The following SPINK5 variants were observed in gnomAD, a reference collection of about 807,000 sequenced individuals.
SPINK5 encodes serine peptidase inhibitor Kazal type 5.
In SPINK5, 125 loss-of-function variants were observed where a neutral mutation model predicts 151.8. The observed-to-expected ratio is 0.82, with a 90% CI of 0.71 to 0.96. The LOEUF is 0.96. SPINK5 is among the 40% of genes least tolerant of loss of function. The pLI is 0.00. For missense variants in SPINK5, 1,194 were observed against 1,291.9 expected (o/e 0.92, Z 1.16); for synonymous variants, 374 against 395.3 (o/e 0.95, Z 0.64).
In SPINK5 at chr5:148,118,514, T is replaced by C. The variant is rs1754161817; in HGVS notation, c.2190T>C (p.Asp730=). The change falls in exon 23 of 33, where the codon GAT becomes GAC. Residue 730 remains aspartate, a synonymous_variant. Transcript: ENST00000256084. ...SCTRESDPVR[D]ADGKSYNNQC... ...CTCGGGAGAGTGATCCTGTACGTGATGCTGATGGCAAATCGTACAACAATC... is the reference window on the plus strand; with the variant it reads ...CTCGGGAGAGTGATCCTGTACGTGACGCTGATGGCAAATCGTACAACAATC... 3 of 1,614,202 alleles carry C rather than the reference T, an allele frequency of 1.9e-6. No homozygotes were observed. The highest frequency in any genetic ancestry group is 2.5e-6 in the Non-Finnish European group (3 of 1,180,016).
intron 22 of SPINK5, among the ~76,000 whole-genome samples, chr5:148,117,594 G>A (rs986651564): frequency 1.3e-5 from 2 of 152,190 alleles, no homozygotes; most frequent in Admixed American, 1.3e-4. Context: ...CAGGAAGCAG[G>A]AAAGATCTTC....
intron 32 of SPINK5, among the ~76,000 whole-genome samples, chr5:148,134,838 T>C (rs908023288): frequency 6.6e-6 from 1 of 152,024 alleles, no homozygotes; most frequent in African/African-American, 2.4e-5. Context: ...CTTTGCTCCA[T>C]TCCACTGCCA....
At chr5:148,126,881 C>G in intron 29 of SPINK5, 102 bp from the exon 30 acceptor site, 1 of 1,006,230 alleles carries the variant, frequency 9.9e-7, no homozygotes, top group South Asian at 1.5e-5. Flanking sequence ...CGTGAACTAC[C>G]ATGCCTGGCC....
intron 19 of SPINK5, 76 bp from the exon 20 acceptor site, chr5:148,112,792 T>C (rs1423145774): frequency 6.3e-7 from 1 of 1,596,454 alleles, no homozygotes; most frequent in East Asian, 2.3e-5. Context: ...ACCATTTTTA[T>C]GTAGAGACAT....
At chr5:148,086,582 A>C in intron 5 of SPINK5, 50 bp downstream of exon 5, 1 of 1,598,832 alleles carries the variant, frequency 6.3e-7, no homozygotes, top group Non-Finnish European at 8.5e-7. Context: ...TTCTCTCTAT[A>C]ATTACATGAC....
At chr5:148,081,982 A>C (rs1753032571) in intron 4 of SPINK5, among the ~76,000 whole-genome samples, 1 of 151,704 alleles carries the variant, frequency 6.6e-6, no homozygotes, top group Non-Finnish European at 1.5e-5. Flanking sequence ...TAACAAATGT[A>C]GTTATCTTAT....
At chr5:148,112,630 G>T (rs892156008) in intron 19 of SPINK5, among the ~76,000 whole-genome samples, 3 of 151,780 alleles carry the variant, frequency 2.0e-5, no homozygotes, top group Admixed American at 6.6e-5. Context: ...CCAAGATCGC[G>T]CCACTGCACT....
chr5:148,086,970 T>TTA, intron 5 of SPINK5, among the ~76,000 whole-genome samples: 1 of 147,458 alleles, frequency 6.8e-6, no homozygotes, highest in African/African-American at 2.5e-5. Context: ...TATAATATAT[T>TTA]TACACACATA....
chr5:148,099,394 G>T (rs1354762149), intron 12 of SPINK5, 79 bp downstream of exon 12: 11 of 1,279,558 alleles, frequency 8.6e-6, no homozygotes, highest in Non-Finnish European at 1.2e-5. Context: ...GTGAGATTTT[G>T]CCCTGCAGAA....
chr5:148,118,971 T>G lies in SPINK5; in HGVS notation c.2241-15T>G. ...ATTTGTTAACAAGATGAATATTCAC[T>G]TTTTTCTCCTCCAGGGAAAGAGAAG... On this transcript the variant is annotated splice_polypyrimidine_tract_variant and intron_variant, in intron 23 of 32. Coordinates refer to ENST00000256084, the MANE Select transcript of SPINK5 (RefSeq NM_006846.4). The G allele has an allele frequency of 6.2e-7, 1 of 1,613,326 alleles. No homozygotes were observed. Among genetic ancestry groups the G allele is most frequent in the South Asian group, 1.1e-5 (1 of 91,038 alleles).
chr5:148,071,808 A>G (rs1752745015), intron 3 of SPINK5, among the ~76,000 whole-genome samples: 1 of 152,080 alleles, frequency 6.6e-6, no homozygotes, highest in African/African-American at 2.4e-5. Context: ...GAACCAATAT[A>G]AGCAGGTTCA....
Position 148,118,523 on chromosome 5 carries a change from C to G in SPINK5, c.2199C>G (p.Gly733=), listed in dbSNP as rs1348512394. ...RESDPVRDAD[G]KSYNNQCTMC... ...GTGATCCTGTACGTGATGCTGATGG[C>G]AAATCGTACAACAATCAGTGTACCA... Residue 733 remains glycine (G), a synonymous_variant, in exon 23 of 33, where the codon GGC becomes GGG. Coordinates refer to ENST00000256084, the MANE Select transcript of SPINK5 (RefSeq NM_006846.4). The G allele has an allele frequency of 1.2e-6, 2 of 1,614,074 alleles. No homozygotes were observed. Among genetic ancestry groups the G allele is most frequent in the Non-Finnish European group, 1.7e-6 (2 of 1,179,996 alleles).
intron 4 of SPINK5, among the ~76,000 whole-genome samples, chr5:148,082,614 T>G (rs1184493384): frequency 4.9e-5 from 2 of 40,682 alleles, no homozygotes; most frequent in Non-Finnish European, 8.2e-5. Flanking sequence ...TTTTTTTTTT[T>G]TTTTTTTTTT....
chr5:148,115,741 T>C (rs1046856121), intron 21 of SPINK5, among the ~76,000 whole-genome samples: 1 of 152,072 alleles, frequency 6.6e-6, no homozygotes, highest in African/African-American at 2.4e-5. Context: ...TTGGGGCCTC[T>C]TGAACATTAG....
In SPINK5 at chr5:148,108,791, A is replaced by G. The variant is rs754018508; in HGVS notation, c.1646A>G (p.Glu549Gly). 2 of 1,612,102 alleles carry G rather than the reference A, an allele frequency of 1.2e-6. No homozygotes were observed. Among genetic ancestry groups the G allele is most frequent in the South Asian group, 2.2e-5 (2 of 91,036 alleles). Residue 549 changes from glutamate to glycine, a missense_variant, in exon 18 of 33, where the codon GAA becomes GGA. By Grantham distance (98) the Glu-to-Gly change is moderately conservative. Coordinates refer to ENST00000256084, the MANE Select transcript of SPINK5 (RefSeq NM_006846.4). The stretch of plus-strand genomic sequence containing the variant: ...GAAGAGAAGAAAAATGATAAAGAAG[A>G]AAAAGGGAAAGTCGAGGCTGAAAAA... ...EEEEKKNDKE[E>G]KGKVEAEKVK...
At chr5:148,136,919 T>C in intron 32 of SPINK5, 64 bp from the exon 33 acceptor site, 4 of 1,595,334 alleles carry the variant, frequency 2.5e-6, no homozygotes, top group South Asian at 1.1e-5. Flanking sequence ...GCTATAAATA[T>C]ACAGCCCACA....
intron 32 of SPINK5, chr5:148,134,162 G>C (rs917917293): frequency 2.2e-6 from 1 of 454,282 alleles, no homozygotes; most frequent in Non-Finnish European, 4.1e-6. Context: ...ACTTATTTCA[G>C]GATAGGTTTT....
At chr5:148,075,246 T>A (rs1437571279) in intron 4 of SPINK5, among the ~76,000 whole-genome samples, 2 of 151,638 alleles carry the variant, frequency 1.3e-5, no homozygotes, top group Non-Finnish European at 2.9e-5. Flanking sequence ...CTTCAGCAAG[T>A]TTGGAAAATT....
At chr5:148,136,026 C>T (rs1429823371) in intron 32 of SPINK5, among the ~76,000 whole-genome samples, 1 of 152,084 alleles carries the variant, frequency 6.6e-6, no homozygotes, top group Non-Finnish European at 1.5e-5. Flanking sequence ...TACAGAAAAT[C>T]ATCCTGGGGG....
Sources: allele counts gnomAD v4.1 joint callset (sites outside exome capture counted in the v4.1 genomes callset), GRCh38; gene constraint gnomAD v4.1.1; transcripts MANE v1.5; gene names NCBI Gene and HGNC (gene_info 2026-07-23, HGNC 2026-07-21).